XIRP2: variants seen among roughly 807,000 people sequenced by gnomAD.
The protein encoded by XIRP2 is xin actin-binding repeat-containing protein 2.
In XIRP2, 236 loss-of-function variants were observed where a neutral mutation model predicts 277.0. The ratio of observed to expected loss-of-function variants is 0.85; its 90% CI spans 0.77 to 0.95. The LOEUF is 0.95. Ranked by LOEUF, XIRP2 falls within the 40% of genes least tolerant of loss-of-function variation. The pLI is 0.00. For synonymous variants in XIRP2, 1,490 were observed against 1,416.5 expected, an observed-to-expected ratio of 1.05 and a Z score of -1.17; for missense variants, 4,640 against 4,157.5, an observed-to-expected ratio of 1.12 and a Z score of -3.19.
At chr2:166,915,248 C>T (rs1332597871) in intron 2 of XIRP2, among the ~76,000 whole-genome samples, 1 of 141,512 alleles carries the variant, frequency 7.1e-6, no homozygotes, top group Non-Finnish European at 1.5e-5. Context: ...TTGCAGTGAG[C>T]CGAGATCTGC....
intron 2 of XIRP2, among the ~76,000 whole-genome samples, chr2:166,964,857 TA>T (rs1213460729): frequency 6.6e-6 from 1 of 151,820 alleles, no homozygotes; most frequent in Non-Finnish European, 1.5e-5. Context: ...ACAGCTTGCC[TA>T]CCTAAATCAT....
intron 2 of XIRP2, among the ~76,000 whole-genome samples, chr2:166,987,804 A>G (rs1687046787): frequency 6.6e-6 from 1 of 152,204 alleles, no homozygotes; most frequent in African/African-American, 2.4e-5. Flanking sequence ...GTATGGGACA[A>G]TTTAAACAAC....
chr2:166,946,796 A>G (rs773879755), intron 2 of XIRP2, among the ~76,000 whole-genome samples: 1 of 152,162 alleles, frequency 6.6e-6, no homozygotes, highest in Non-Finnish European at 1.5e-5. Context: ...AAAAGAATTT[A>G]ATATTAATAG....
rs114295336 is a variant in XIRP2, at chr2:167,172,519, C to G, written c.562+36457C>G. ...ACTGGGGCTTATTTCATCCCTTATC[C>G]ACAACTATAAAAGACAGACGTCCCC... On this transcript the variant is annotated intron_variant, in intron 3 of 10. Coordinates refer to ENST00000409195, the MANE Select transcript of XIRP2 (RefSeq NM_152381.6). 3.9e-5 allele frequency among the ~76,000 whole-genome samples: 6 copies of G among 152,068 alleles called. 1 individual carries two copies. The highest frequency in any genetic ancestry group is 3.9e-4 in the Admixed American group (6 of 15,272).
intron 2 of XIRP2, among the ~76,000 whole-genome samples, chr2:167,114,765 G>A (rs1690851055): frequency 6.6e-6 from 1 of 152,148 alleles, no homozygotes; most frequent in Admixed American, 6.5e-5. Context: ...TCCCTACAAA[G>A]GACATGAACT....
intron 2 of XIRP2, among the ~76,000 whole-genome samples, chr2:166,910,509 C>G (rs570211473): frequency 6.6e-6 from 1 of 151,994 alleles, no homozygotes; most frequent in Non-Finnish European, 1.5e-5. Flanking sequence ...CTCTTTTCTT[C>G]TTTATTAGTC....
At chr2:166,956,479 T>C (rs1464888868) in intron 2 of XIRP2, among the ~76,000 whole-genome samples, 2 of 151,870 alleles carry the variant, frequency 1.3e-5, no homozygotes, top group Admixed American at 6.6e-5. Flanking sequence ...TGCACATGCA[T>C]ATGAGTATTT....
At chr2:167,180,233 T>C (rs982215498) in intron 3 of XIRP2, among the ~76,000 whole-genome samples, 2 of 152,158 alleles carry the variant, frequency 1.3e-5, no homozygotes, top group African/African-American at 2.4e-5. Flanking sequence ...TCATCTCAGA[T>C]CTTACTTCAC....
chr2:166,925,354 A>G (rs1685151914), intron 2 of XIRP2, among the ~76,000 whole-genome samples: 1 of 151,864 alleles, frequency 6.6e-6, no homozygotes, highest in Non-Finnish European at 1.5e-5. Flanking sequence ...CAGAGATATT[A>G]TATTTCTAGT....
intron 2 of XIRP2, among the ~76,000 whole-genome samples, chr2:167,076,371 C>T (rs928162642): frequency 6.6e-6 from 1 of 152,052 alleles, no homozygotes; most frequent in African/African-American, 2.4e-5. Context: ...AAAACAACAC[C>T]ATGGAGGGAG....
At chr2:166,889,329 C>A (rs1290983872) in intron 1 of XIRP2, among the ~76,000 whole-genome samples, 1 of 152,178 alleles carries the variant, frequency 6.6e-6, no homozygotes, top group African/African-American at 2.4e-5. Context: ...TCCCCACTCG[C>A]CCCCAGACAC....
At position 167,250,329 on chromosome 2, in the gene XIRP2, A is replaced by G. The variant is rs375931044; in HGVS notation, c.8937A>G (p.Leu2979=). ...GTGGCCTTAAAACATTTCAGACACT[A>G]TTAAATACTATCCCAGGATGGCTGA... ...NKSGLKTFQT[L]LNTIPGWLIS... The change falls in exon 9 of 11, where the codon CTA becomes CTG. Residue 2979 remains leucine (L), a synonymous_variant. Transcript: ENST00000409195. The G allele has an allele frequency of 6.2e-6, 10 of 1,613,498 alleles. No homozygotes were observed. The African/African-American group carries it at 8.0e-5, about 13-fold the overall frequency.
rs776703031 is a variant in XIRP2, at chr2:167,248,781, GA to G, written c.7395del (p.Val2466Ter). ...ECKITTSKDQ[K>X]KVMVMTSSEH... is the part of the protein sequence containing the mutation. ...GTAAAATTACTACCTCAAAGGATCA[GA>G]AAAAAGTAATGGTGATGACCAGCAG... On this transcript the variant is annotated frameshift_variant, in exon 9 of 11. Coordinates refer to ENST00000409195, the MANE Select transcript of XIRP2 (RefSeq NM_152381.6). LOFTEE classifies it high-confidence loss of function. 2.5e-6 allele frequency: 4 copies of G among 1,613,510 alleles called. No individual in the cohort carries two copies. The East Asian group carries it at 8.9e-5, about 36-fold the overall frequency.
At chr2:167,210,515 A>C (rs2105388784) in intron 3 of XIRP2, among the ~76,000 whole-genome samples, 1 of 152,322 alleles carries the variant, frequency 6.6e-6, no homozygotes, top group Non-Finnish European at 1.5e-5. Flanking sequence ...TTGGGGGGAT[A>C]AATTTTTGCT....
intron 2 of XIRP2, among the ~76,000 whole-genome samples, chr2:167,019,110 AAATAAAGTGCCAAGGAAACTCTGAAATTT>A (rs1687915093): frequency 1.3e-5 from 2 of 152,094 alleles, no homozygotes; most frequent in African/African-American, 4.8e-5. Flanking sequence ...ACAGAGATGA[AAATAAAGTGCCAAGGAAACTCTGAAATTT>A]CTCTGTGAAT....
chr2:167,173,266 C>A (rs1467583469), intron 3 of XIRP2, among the ~76,000 whole-genome samples: 1 of 152,032 alleles, frequency 6.6e-6, no homozygotes, highest in Non-Finnish European at 1.5e-5. Flanking sequence ...TCACTTCCCT[C>A]CCTGACAACA....
chr2:167,024,027 A>G (rs1355200660), intron 2 of XIRP2, among the ~76,000 whole-genome samples: 2 of 152,188 alleles, frequency 1.3e-5, no homozygotes, highest in African/African-American at 4.8e-5. Context: ...ATGGCATTGA[A>G]TCTATAAATT....
At chr2:167,071,775 C>T (rs1043849255) in intron 2 of XIRP2, among the ~76,000 whole-genome samples, 1 of 152,168 alleles carries the variant, frequency 6.6e-6, no homozygotes, top group African/African-American at 2.4e-5. Flanking sequence ...TGTGCCAGGG[C>T]AGCTCTTGAG....
intron 1 of XIRP2, among the ~76,000 whole-genome samples, chr2:166,896,879 C>A (rs911029379): frequency 6.6e-6 from 1 of 152,066 alleles, no homozygotes; most frequent in Admixed American, 6.6e-5. Flanking sequence ...TTTTACTGTA[C>A]CTTTTCTATG....
Sources: allele counts gnomAD v4.1 joint callset (sites outside exome capture counted in the v4.1 genomes callset), GRCh38; gene constraint gnomAD v4.1.1; transcripts MANE v1.5; gene names NCBI Gene and HGNC (gene_info 2026-07-23, HGNC 2026-07-21).